PTPRG: variants seen among roughly 807,000 people sequenced by gnomAD.
PTPRG encodes the protein receptor-type tyrosine-protein phosphatase gamma.
PTPRG carries 102 observed loss-of-function variants against 165.3 expected under a neutral mutation model. The observed-to-expected ratio is 0.62, with a 90% confidence interval of 0.53 to 0.73. PTPRG has a LOEUF of 0.73. Among genes scored for constraint, PTPRG ranks in the 30% least tolerant of loss-of-function variants. PTPRG has a pLI of 0.00. For missense variants in PTPRG, 1,866 were observed against 1,861.4 expected, an observed-to-expected ratio of 1.00 and a Z score of -0.05; for synonymous variants, 675 against 669.5, an observed-to-expected ratio of 1.01 and a Z score of -0.13.
chr3:62,175,864 G>T (rs1315670958), intron 8 of PTPRG, among the ~76,000 whole-genome samples: 2 of 152,060 alleles, frequency 1.3e-5, no homozygotes, highest in Non-Finnish European at 2.9e-5. Context: ...CATTTGCAAG[G>T]GCCCTGAGGC....
At chr3:61,778,468 A>T (rs907782910) in intron 2 of PTPRG, among the ~76,000 whole-genome samples, 1 of 151,940 alleles carries the variant, frequency 6.6e-6, no homozygotes, top group Non-Finnish European at 1.5e-5. Context: ...AAAACTTGGG[A>T]TGGGGGTGGG....
chr3:62,111,915 T>TAG (rs1702681370), intron 5 of PTPRG, among the ~76,000 whole-genome samples: 1 of 152,200 alleles, frequency 6.6e-6, no homozygotes, highest in Admixed American at 6.5e-5. Flanking sequence ...TATGAATCTG[T>TAG]AGGACTTAAA....
At chr3:61,781,595 C>G (rs912022230) in intron 2 of PTPRG, among the ~76,000 whole-genome samples, 6 of 152,070 alleles carry the variant, frequency 3.9e-5, no homozygotes, top group Non-Finnish European at 7.4e-5. Context: ...CCAGATTTGT[C>G]TCTGATTCTC....
intron 5 of PTPRG, among the ~76,000 whole-genome samples, chr3:62,094,386 C>CT (rs1702040656): frequency 6.6e-6 from 1 of 152,134 alleles, no homozygotes; most frequent in African/African-American, 2.4e-5. Context: ...GAGGAAAAGT[C>CT]TTTTTTTCAG....
intron 1 of PTPRG, among the ~76,000 whole-genome samples, chr3:61,695,975 A>G (rs1281321991): frequency 6.6e-6 from 1 of 152,182 alleles, no homozygotes; most frequent in Non-Finnish European, 1.5e-5. Flanking sequence ...GGAGTGAGAT[A>G]GGGATTTAAG....
chr3:62,021,713 T>A (rs529223782), intron 4 of PTPRG, among the ~76,000 whole-genome samples: 121 of 152,320 alleles, frequency 7.9e-4, no homozygotes, highest in Non-Finnish European at 1.1e-3. Flanking sequence ...TTATGTGATG[T>A]AGCTTTATAT....
chr3:62,262,425 C>G (rs1354107669), intron 16 of PTPRG: 1 of 159,124 alleles, frequency 6.3e-6, no homozygotes, highest in African/African-American at 2.4e-5. Context: ...AAGCCTTCCT[C>G]TGTTCTGTGC....
Position 62,273,966 on chromosome 3 carries a change from T to C in PTPRG, c.3465+122T>C. On this transcript the variant is annotated intron_variant, in intron 23 of 29. Transcript: ENST00000474889. This position sits in a 1 kb window ranked among gnomAD's most constrained non-coding sequence, Gnocchi z 4.1. Reference sequence around the variant, plus strand: ...CGAAATGGATTACTATTTGTACTCCTTGTACTCCTTAAATGTGATGAAAAA... The same window carrying C: ...CGAAATGGATTACTATTTGTACTCCCTGTACTCCTTAAATGTGATGAAAAA... 2 of 931,820 alleles carry C rather than the reference T, an allele frequency of 2.1e-6. No homozygotes were observed. The highest frequency in any genetic ancestry group is 3.4e-5 in the South Asian group (2 of 59,558). The allele number at this position is 931,820 out of a possible 1,614,324, so 57.7% of individuals were successfully genotyped here.
At chr3:61,658,843 A>C (rs1450302594) in intron 1 of PTPRG, among the ~76,000 whole-genome samples, 2 of 152,204 alleles carry the variant, frequency 1.3e-5, no homozygotes, top group African/African-American at 4.8e-5. Flanking sequence ...ACCATCTTCA[A>C]GTAGAAACAT....
At chr3:62,103,325 T>G (rs1702358267) in intron 5 of PTPRG, among the ~76,000 whole-genome samples, 1 of 133,812 alleles carries the variant, frequency 7.5e-6, no homozygotes, top group Non-Finnish European at 1.6e-5. Flanking sequence ...AATGAAATAC[T>G]CTCAACCCTC....
chr3:61,582,092 C>T (rs755008488), intron 1 of PTPRG, among the ~76,000 whole-genome samples: 12 of 151,998 alleles, frequency 7.9e-5, no homozygotes, highest in Admixed American at 2.0e-4. Context: ...CTCAGCCTCC[C>T]GCATAACTGG....
chr3:62,137,918 G>A (rs564754042), intron 6 of PTPRG, among the ~76,000 whole-genome samples: 70 of 152,214 alleles, frequency 4.6e-4, no homozygotes, highest in African/African-American at 1.5e-3. Context: ...TTCAAATGTC[G>A]AACTACTGTA....
At position 62,203,432 on chromosome 3, in the gene PTPRG, A is replaced by T. The variant is rs1334385199; in HGVS notation, c.1637A>T (p.Lys546Met). The part of the protein sequence containing the change: ...TRLPTAASAS[K>M]QAARPVLATT... ...CTCCCGACGGCCGCCTCAGCCAGCA[A>T]GCAGGCGGCTAGGCCAGTCCTAGCC... The change falls in exon 12 of 30, where the codon AAG (lysine) becomes ATG (methionine). Residue 546 changes from lysine to methionine, a missense_variant. Physicochemically the swap from Lys to Met is moderately conservative, Grantham distance 95. Coordinates refer to ENST00000474889, the MANE Select transcript of PTPRG (RefSeq NM_002841.4). The surrounding 1 kb of genome is among the most constrained non-coding windows in gnomAD (Gnocchi z 6.4). The T allele has an allele frequency of 1.2e-6, 2 of 1,603,474 alleles. No individual in the cohort carries two copies. The highest frequency in any genetic ancestry group is 2.7e-5 in the African/African-American group (2 of 74,728).
At position 62,281,668 on chromosome 3, in the gene PTPRG, G is replaced by A; in HGVS notation, c.3871G>A (p.Glu1291Lys). Residue 1291 changes from glutamate (E) to lysine (K), a missense_variant, in exon 27 of 30, where the codon GAA (glutamate) becomes AAA (lysine). Physicochemically the swap from Glu to Lys is moderately conservative, Grantham distance 56. Transcript: ENST00000474889. Reference protein sequence around the residue: ...SKDRLCLSNEEQIIIHDFILE... With the variant: ...SKDRLCLSNEKQIIIHDFILE... ...AGACAGACTGTGCCTCTCTAATGAA[G>A]AACAAATTATCATCCATGACTTTAT... The A allele has an allele frequency of 6.2e-7, 1 of 1,610,696 alleles. No homozygotes were observed. Among genetic ancestry groups the A allele is most frequent in the Non-Finnish European group, 8.5e-7 (1 of 1,178,400 alleles).
At chr3:61,908,156 G>A (rs1301110904) in intron 2 of PTPRG, among the ~76,000 whole-genome samples, 6 of 144,556 alleles carry the variant, frequency 4.2e-5, no homozygotes, top group African/African-American at 1.0e-4. Flanking sequence ...AAAATCGGCC[G>A]GGCTCACGCC....
chr3:61,567,613 C>T (rs1699944697), intron 1 of PTPRG, among the ~76,000 whole-genome samples: 1 of 144,870 alleles, frequency 6.9e-6, no homozygotes. Flanking sequence ...CCGCAGTGTA[C>T]TGTGATCATG....
intron 1 of PTPRG, among the ~76,000 whole-genome samples, chr3:61,711,962 C>T (rs547908636): frequency 2.1e-5 from 3 of 145,072 alleles, no homozygotes; most frequent in Non-Finnish European, 3.0e-5. Flanking sequence ...GGTGTGATCT[C>T]GGCTCACTGC....
chr3:61,979,887 C>T (rs1363578066), intron 2 of PTPRG, among the ~76,000 whole-genome samples: 1 of 152,132 alleles, frequency 6.6e-6, no homozygotes, highest in African/African-American at 2.4e-5. Flanking sequence ...CACACCAGGC[C>T]CCTGTGCTGT....
In PTPRG at chr3:61,918,361, T is replaced by C. The variant is rs564491742; in HGVS notation, c.191-71264T>C. On this transcript the variant is annotated intron_variant, in intron 2 of 29. Transcript: ENST00000474889. ...GAAATCAGTTATTGAATGGGAAATA[T>C]GTATATATATATATACACACACACA... Among the ~76,000 whole-genome samples the C allele has an allele frequency of 1.1e-4, 16 of 151,072 alleles. No homozygotes were observed. The South Asian group carries it at 3.2e-3, about 30-fold the overall frequency.
Sources: gnomAD v4.1 joint callset for allele counts (sites outside exome capture counted in the v4.1 genomes callset) on GRCh38, gnomAD v4.1.1 for gene constraint, Gnocchi (gnomAD v3.1) non-coding constraint, MANE v1.5 for transcripts, NCBI Gene and HGNC (gene_info 2026-07-23, HGNC 2026-07-21) for gene names.